MTA1: variants seen among roughly 807,000 people sequenced by gnomAD.
The protein encoded by MTA1 is metastasis associated 1.
Under a neutral mutation model 97.0 loss-of-function variants are expected in MTA1, and 15 were observed. That is an observed-to-expected ratio of 0.15 (90% confidence interval 0.10 to 0.24). The LOEUF is 0.24. MTA1 is among the 10% of genes least tolerant of loss of function. MTA1 has a pLI of 1.00. For missense variants in MTA1, 709 were observed against 1,015.1 expected (o/e 0.70, Z 4.10); for synonymous variants, 435 against 417.5 (o/e 1.04, Z -0.51).
In MTA1 at chr14:105,469,841, G is replaced by A. The variant is rs1555433884; in HGVS notation, c.1846G>A (p.Gly616Arg). ...LANHGQARHM[G>R]PSRNLLLNGK... ...CCCAGGAAGTGCACCCCCTCTGCAG[G>A]GACCAAGCCGGAACCTCCTGCTCAA... is the stretch of plus-strand genomic sequence containing the variant. The change falls in exon 20 of 21, where the codon GGA becomes AGA. Residue 616 changes from glycine to arginine, a missense_variant and splice_region_variant. This residue lies in a region of MTA1 where 388 missense variants were observed against 421.6 expected (regional missense o/e 0.92). Transcript: ENST00000331320. 4 of 1,603,994 alleles carry A rather than the reference G, an allele frequency of 2.5e-6. No individual in the cohort carries two copies. The highest frequency in any genetic ancestry group is 3.4e-6 in the Non-Finnish European group (4 of 1,176,076).
chr14:105,469,784 A>T, intron 19 of MTA1, 57 bp from the exon 20 acceptor site: 1 of 877,214 alleles, frequency 1.1e-6, no homozygotes, highest in South Asian at 1.7e-5. Context: ...GGAGCCCTGC[A>T]GGTTGAGGTG....
At chr14:105,457,724 G>A (rs889481642) in intron 7 of MTA1, among the ~76,000 whole-genome samples, 1 of 152,190 alleles carries the variant, frequency 6.6e-6, no homozygotes, top group African/African-American at 2.4e-5. Flanking sequence ...TCAAGAGTTC[G>A]AGACCAGCCT....
At chr14:105,434,639 C>A (rs782192801) in intron 1 of MTA1, among the ~76,000 whole-genome samples, 1 of 151,968 alleles carries the variant, frequency 6.6e-6, no homozygotes, top group African/African-American at 2.4e-5. Context: ...GCTGGGATTA[C>A]GGGCATACAC....
intron 6 of MTA1, among the ~76,000 whole-genome samples, chr14:105,450,586 C>T (rs774940137): frequency 6.2e-4 from 94 of 152,274 alleles, no homozygotes; most frequent in Non-Finnish European, 1.2e-3. Context: ...AGACAGCCAG[C>T]GAGGGGAGGT....
intron 1 of MTA1, among the ~76,000 whole-genome samples, chr14:105,436,213 G>A (rs2082320460): frequency 6.6e-6 from 1 of 152,214 alleles, no homozygotes; most frequent in African/African-American, 2.4e-5. Flanking sequence ...AGGTTGCAGT[G>A]AGCTGAGATC....
In MTA1 at chr14:105,466,546, A is replaced by G. The variant is rs1555432897; in HGVS notation, c.1745A>G (p.Lys582Arg). Reference protein sequence around the residue: ...INNGSPTILGKRSYEQHNGVD... With the variant: ...INNGSPTILGRRSYEQHNGVD... ...AACGGCTCCCCCACCATCCTGGGCA[A>G]GCGCAGCTACGAGCAGCACAACGGG... The change falls in exon 17 of 21, where the codon AAG becomes AGG. Residue 582 changes from lysine (K) to arginine (R), a missense_variant. By Grantham distance (26) the Lys-to-Arg change is conservative. Coordinates refer to ENST00000331320, the MANE Select transcript of MTA1 (RefSeq NM_004689.4). 1 of 1,585,068 alleles carries G rather than the reference A, an allele frequency of 6.3e-7. No homozygotes were observed. The highest frequency in any genetic ancestry group is 1.1e-5 in the South Asian group (1 of 87,136).
chr14:105,458,260 C>T lies in MTA1; in HGVS notation c.551-10C>T, dbSNP rs371509151. 1.2e-5 allele frequency: 20 copies of T among 1,611,422 alleles called. No individual in the cohort carries two copies. Among genetic ancestry groups the T allele is most frequent in the Non-Finnish European group, 1.5e-5 (18 of 1,178,934 alleles). ...CCCCGTCTCAGAAAGGCCACACTTC[C>T]TCCCTGTAGGCGAGGAGGATGGCCG... On this transcript the variant is annotated splice_polypyrimidine_tract_variant and intron_variant, in intron 7 of 20. Coordinates refer to ENST00000331320, the MANE Select transcript of MTA1 (RefSeq NM_004689.4).
At position 105,470,466 on chromosome 14, in the gene MTA1, C is replaced by A; in HGVS notation, c.*251C>A. 1 of 438,454 alleles carries A rather than the reference C, an allele frequency of 2.3e-6. No individual in the cohort carries two copies. Among genetic ancestry groups the A allele is most frequent in the African/African-American group, 2.1e-5 (1 of 47,046 alleles). 27.2% of individuals were successfully genotyped at this position (438,454 alleles called of 1,614,324 possible). ...GCTGGAGCGGAGATGAGGGGCCACC[C>A]CGTGCCCCTGTGCTGCGGGGCCTTT... On this transcript the variant is annotated 3_prime_UTR_variant, in exon 21 of 21. Coordinates refer to ENST00000331320, the MANE Select transcript of MTA1 (RefSeq NM_004689.4).
intron 7 of MTA1, among the ~76,000 whole-genome samples, chr14:105,455,747 A>G (rs1449199436): frequency 6.6e-6 from 1 of 152,194 alleles, no homozygotes; most frequent in Non-Finnish European, 1.5e-5. Context: ...GGGCTCCAGC[A>G]TTGGGCTCGT....
In MTA1 at chr14:105,426,262, G is replaced by A. The variant is rs75934245; in HGVS notation, c.28+6199G>A. Among the ~76,000 whole-genome samples the A allele has an allele frequency of 1.1e-3, 161 of 152,098 alleles. 5 individuals are homozygous for A. In the East Asian group the frequency reaches 0.016, roughly 15 times the overall value. On this transcript the variant is annotated intron_variant, in intron 1 of 20. Coordinates refer to ENST00000331320, the MANE Select transcript of MTA1 (RefSeq NM_004689.4). Reference sequence around the variant, plus strand: ...TCACAGGGGAGGAAACCAGGGCAGCGGCAGCGGCTCCTGGTACCAAGCATA... The same window carrying A: ...TCACAGGGGAGGAAACCAGGGCAGCAGCAGCGGCTCCTGGTACCAAGCATA...
Position 105,422,333 on chromosome 14 carries a change from G to A in MTA1, c.28+2270G>A, listed in dbSNP as rs1595242399. Among the ~76,000 whole-genome samples, 1 of 152,284 alleles carries A rather than the reference G, an allele frequency of 6.6e-6. No homozygotes were observed. Among genetic ancestry groups the A allele is most frequent in the East Asian group, 1.9e-4 (1 of 5,166 alleles). On this transcript the variant is annotated intron_variant, in intron 1 of 20. Coordinates refer to ENST00000331320, the MANE Select transcript of MTA1 (RefSeq NM_004689.4). The surrounding 1 kb of genome is among the most constrained non-coding windows in gnomAD (Gnocchi z 4.3). The stretch of plus-strand genomic sequence containing the variant: ...CCTGTCTTGGTGCTCGCTCGGGGAG[G>A]TGGGCGTCTGGATTCTTGAGCCCCC...
At chr14:105,459,335 C>A (rs1404743808) in intron 8 of MTA1, among the ~76,000 whole-genome samples, 2 of 3,456 alleles carry the variant, frequency 5.8e-4, no homozygotes, top group African/African-American at 9.7e-4. Flanking sequence ...GCCCCTGGTC[C>A]CTGGTCCCTG....
intron 1 of MTA1, among the ~76,000 whole-genome samples, chr14:105,434,856 G>A (rs1489613795): frequency 6.6e-6 from 1 of 152,158 alleles, no homozygotes; most frequent in East Asian, 1.9e-4. Flanking sequence ...CTCTTACTCA[G>A]CAGTTTCAAT....
chr14:105,467,537 C>A (rs781980532), intron 18 of MTA1: 1 of 454,280 alleles, frequency 2.2e-6, no homozygotes, highest in Admixed American at 2.4e-5. Context: ...CCGGCTGCAG[C>A]GCAGGGTGGG....
intron 1 of MTA1, among the ~76,000 whole-genome samples, chr14:105,432,232 T>C (rs2082197324): frequency 6.6e-6 from 1 of 152,088 alleles, no homozygotes; most frequent in African/African-American, 2.4e-5. Flanking sequence ...TTTTTTATTT[T>C]TATTTTTTAT....
At chr14:105,436,026 T>C (rs587759362) in intron 1 of MTA1, among the ~76,000 whole-genome samples, 1 of 152,322 alleles carries the variant, frequency 6.6e-6, no homozygotes, top group Admixed American at 6.5e-5. Flanking sequence ...CTCAGCACTT[T>C]GGGAGACTGA....
In MTA1 at chr14:105,422,524, G is replaced by A. The variant is rs1555421258; in HGVS notation, c.28+2461G>A. On this transcript the variant is annotated intron_variant, in intron 1 of 20. Coordinates refer to ENST00000331320, the MANE Select transcript of MTA1 (RefSeq NM_004689.4). The surrounding 1 kb of genome is among the most constrained non-coding windows in gnomAD (Gnocchi z 4.3). Reference sequence around the variant, plus strand: ...TGCTCCTGTGCCCCCCCACCCCAGGGACCTTGTGTGTAGAGGCACCAAATT... The same window carrying A: ...TGCTCCTGTGCCCCCCCACCCCAGGAACCTTGTGTGTAGAGGCACCAAATT... 6.6e-6 allele frequency among the ~76,000 whole-genome samples: 1 copy of A among 152,202 alleles called. No individual in the cohort carries two copies.
Position 105,466,530 on chromosome 14 carries a change from C to A in MTA1, c.1729C>A (p.Pro577Thr). The change falls in exon 17 of 21, where the codon CCC becomes ACC. Residue 577 changes from proline to threonine, a missense_variant. Around this residue, in one of 2 missense-constraint regions of MTA1, gnomAD observed 388 missense variants for 421.6 expected, o/e 0.92. Transcript: ENST00000331320. ...KVAPVINNGS[P>T]TILGKRSYEQ... ...GGCCCCCGTCATCAACAACGGCTCC[C>A]CCACCATCCTGGGCAAGCGCAGCTA... The A allele has an allele frequency of 6.3e-7, 1 of 1,588,484 alleles. No homozygotes were observed. The highest frequency in any genetic ancestry group is 2.3e-5 in the East Asian group (1 of 43,428).
At chr14:105,441,472 A>T (rs951374063) in intron 2 of MTA1, among the ~76,000 whole-genome samples, 1 of 152,190 alleles carries the variant, frequency 6.6e-6, no homozygotes, top group African/African-American at 2.4e-5. Flanking sequence ...GGGGGCTTTT[A>T]ACAGGAAGGT....
Sources: gnomAD v4.1 joint callset for allele counts (sites outside exome capture counted in the v4.1 genomes callset) on GRCh38, gnomAD v4.1.1 for gene constraint, gnomAD v4.1.1 regional missense constraint, Gnocchi (gnomAD v3.1) non-coding constraint, MANE v1.5 for transcripts, NCBI Gene and HGNC (gene_info 2026-07-23, HGNC 2026-07-21) for gene names.